CADPS2: variants seen among roughly 807,000 people sequenced by gnomAD.
CADPS2 encodes the protein calcium-dependent secretion activator 2.
A neutral mutation model predicts 172.5 loss-of-function variants in CADPS2; 93 were observed. The ratio of observed to expected loss-of-function variants is 0.54; its 90% CI spans 0.46 to 0.64. CADPS2 has a LOEUF of 0.64. Ranked by LOEUF, CADPS2 falls within the 30% of genes least tolerant of loss-of-function variation. The probability of loss-of-function intolerance (pLI) is 0.00; values close to 1 mark genes in which losing one functional copy is unlikely to be tolerated. For missense variants in CADPS2, 1,420 were observed against 1,565.9 expected (o/e 0.91, Z 1.57); for synonymous variants, 546 against 555.2 (o/e 0.98, Z 0.23).
chr7:122,675,973 G>A (rs2082341010), intron 2 of CADPS2, among the ~76,000 whole-genome samples: 1 of 151,832 alleles, frequency 6.6e-6, no homozygotes, highest in Non-Finnish European at 1.5e-5. Context: ...ATGCATCCCA[G>A]AACCCAAAGT....
intron 27 of CADPS2, among the ~76,000 whole-genome samples, chr7:122,347,653 CT>C (rs1281538466): frequency 6.6e-6 from 1 of 152,072 alleles, no homozygotes; most frequent in Admixed American, 6.6e-5. Flanking sequence ...AAATTCATTC[CT>C]TCACTATTTC....
intron 12 of CADPS2, 156 bp from the exon 13 acceptor site, chr7:122,474,673 G>A (rs1484566916): frequency 6.1e-6 from 4 of 652,360 alleles, no homozygotes; most frequent in Non-Finnish European, 7.3e-6. Context: ...AACATAAATT[G>A]CAAACTTTAT....
chr7:122,565,785 A>T (rs2132349065), intron 7 of CADPS2, among the ~76,000 whole-genome samples: 1 of 152,334 alleles, frequency 6.6e-6, no homozygotes, highest in East Asian at 1.9e-4. Context: ...TTGTGTATGT[A>T]CTGAGAACAT....
chr7:122,544,486 A>G (rs1398711153), intron 8 of CADPS2, among the ~76,000 whole-genome samples: 3 of 152,156 alleles, frequency 2.0e-5, no homozygotes, highest in African/African-American at 7.2e-5. Flanking sequence ...AAGCAGTTCT[A>G]TTGACCTGAG....
chr7:122,339,598 C>G lies in CADPS2; in HGVS notation c.3612+5976G>C, dbSNP rs1194676662. On this transcript the variant is annotated intron_variant, in intron 28 of 29. Coordinates refer to ENST00000449022, the MANE Select transcript of CADPS2 (RefSeq NM_017954.11). ...GATGTGAAGCACTAGCTCAAAAGTT[C>G]CGGGCAGGCCGGGCATGGTGGCTCA... Among the ~76,000 whole-genome samples the G allele has an allele frequency of 7.2e-5, 11 of 152,164 alleles. No individual in the cohort carries two copies. In the East Asian group the frequency reaches 2.1e-3, roughly 29 times the overall value.
intron 2 of CADPS2, among the ~76,000 whole-genome samples, chr7:122,694,789 A>G (rs1211607911): frequency 6.6e-6 from 1 of 152,216 alleles, no homozygotes; most frequent in Non-Finnish European, 1.5e-5. Context: ...AAGCCAAAAA[A>G]CCAAATTTGT....
At chr7:122,475,011 G>C (rs1371233874) in intron 12 of CADPS2, among the ~76,000 whole-genome samples, 1 of 152,084 alleles carries the variant, frequency 6.6e-6, no homozygotes, top group Non-Finnish European at 1.5e-5. Flanking sequence ...TGTAAAAATG[G>C]CAATGAGCGC....
At position 122,640,882 on chromosome 7, in the gene CADPS2, C is replaced by T. The variant is rs181067409; in HGVS notation, c.787-11554G>A. Among the ~76,000 whole-genome samples, 409 of 150,764 alleles carry T rather than the reference C, an allele frequency of 2.7e-3. 1 individual carries two copies. Among genetic ancestry groups the T allele is most frequent in the African/African-American group, 8.9e-3 (367 of 41,020 alleles). Reference sequence around the variant, plus strand: ...CCGGGAGGTGGAGTTTGCAGTGAGCCGAGATCACGCCACTGCACTCCAGCC... The same window carrying T: ...CCGGGAGGTGGAGTTTGCAGTGAGCTGAGATCACGCCACTGCACTCCAGCC... On this transcript the variant is annotated intron_variant, in intron 3 of 29. Transcript: ENST00000449022.
chr7:122,865,088 G>A (rs900190976), intron 1 of CADPS2, among the ~76,000 whole-genome samples: 66 of 152,072 alleles, frequency 4.3e-4, no homozygotes, highest in Admixed American at 3.2e-3. Flanking sequence ...GGTGGTGAGG[G>A]AGTTCTCACT....
intron 3 of CADPS2, among the ~76,000 whole-genome samples, chr7:122,660,204 G>A (rs887939331): frequency 6.6e-6 from 1 of 152,168 alleles, no homozygotes; most frequent in Non-Finnish European, 1.5e-5. Flanking sequence ...TATAAATGAA[G>A]TGAATGACAG....
chr7:122,654,251 T>C (rs2079497297), intron 3 of CADPS2, among the ~76,000 whole-genome samples: 1 of 152,210 alleles, frequency 6.6e-6, no homozygotes, highest in Non-Finnish European at 1.5e-5. Context: ...CAGTAAGTTA[T>C]CCAGAAGATC....
intron 1 of CADPS2, among the ~76,000 whole-genome samples, chr7:122,857,739 G>A (rs1361993356): frequency 6.6e-6 from 1 of 152,188 alleles, no homozygotes; most frequent in Non-Finnish European, 1.5e-5. Flanking sequence ...GTGTTAATGA[G>A]TCCAGAGTTT....
chr7:122,618,750 A>T (rs2075253975), intron 5 of CADPS2, among the ~76,000 whole-genome samples: 1 of 152,158 alleles, frequency 6.6e-6, no homozygotes, highest in South Asian at 2.1e-4. Context: ...AGAGATAATT[A>T]TTCAGTTTAG....
intron 3 of CADPS2, among the ~76,000 whole-genome samples, chr7:122,649,826 G>T (rs1375219638): frequency 6.7e-6 from 1 of 148,640 alleles, no homozygotes; most frequent in East Asian, 2.0e-4. Context: ...TTGAGGGAAG[G>T]AATCAAATCT....
chr7:122,716,455 A>T (rs1238958200), intron 2 of CADPS2, among the ~76,000 whole-genome samples: 1 of 152,106 alleles, frequency 6.6e-6, no homozygotes, highest in Non-Finnish European at 1.5e-5. Context: ...AGCCTAAAAG[A>T]GCAGGGGTAA....
At chr7:122,590,901 T>C (rs1402509397) in intron 6 of CADPS2, among the ~76,000 whole-genome samples, 1 of 151,988 alleles carries the variant, frequency 6.6e-6, no homozygotes, top group Non-Finnish European at 1.5e-5. Context: ...ACTCCTTTTA[T>C]TTACTGAATG....
intron 15 of CADPS2, among the ~76,000 whole-genome samples, chr7:122,447,027 CCCTCTTT>C (rs1194658607): frequency 7.5e-6 from 1 of 132,974 alleles, no homozygotes; most frequent in Non-Finnish European, 1.5e-5. Flanking sequence ...ATAAGTAGCT[CCCTCTTT>C]TTTTTTTTTT....
At chr7:122,731,259 G>C (rs768026408) in intron 2 of CADPS2, among the ~76,000 whole-genome samples, 3 of 150,144 alleles carry the variant, frequency 2.0e-5, no homozygotes, top group Non-Finnish European at 3.0e-5. Flanking sequence ...TTTTTTTTAA[G>C]AAGCTCTAGC....
intron 19 of CADPS2, chr7:122,407,927 T>G (rs975711607): frequency 2.5e-5 from 11 of 439,542 alleles, no homozygotes; most frequent in Admixed American, 1.9e-4. Context: ...ACAAGGACAT[T>G]TATTCCTTTA....
Sources: allele counts gnomAD v4.1 joint callset (sites outside exome capture counted in the v4.1 genomes callset), GRCh38; gene constraint gnomAD v4.1.1; transcripts MANE v1.5; gene names NCBI Gene and HGNC (gene_info 2026-07-23, HGNC 2026-07-21).